The following SLC16A9 variants were observed in gnomAD, a reference collection of about 807,000 sequenced individuals.
SLC16A9 encodes solute carrier family 16 member 9.
Under a neutral mutation model 44.3 loss-of-function variants are expected in SLC16A9, and 26 were observed. That is an observed-to-expected ratio of 0.59 (90% CI 0.43 to 0.81). The LOEUF (loss-of-function observed/expected upper bound fraction) is 0.81. Among genes scored for constraint, SLC16A9 ranks in the 40% least tolerant of loss-of-function variants. The pLI, the probability that SLC16A9 is intolerant of heterozygous loss-of-function variation, is 0.00. For missense variants in SLC16A9, 559 were observed against 595.8 expected (o/e 0.94, Z 0.64); for synonymous variants, 230 against 225.1 (o/e 1.02, Z -0.19).
At chr10:59,692,810 C>G (rs1015149284) in intron 1 of SLC16A9, among the ~76,000 whole-genome samples, 5 of 152,054 alleles carry the variant, frequency 3.3e-5, no homozygotes, top group Admixed American at 6.6e-5. Context: ...AATAATTAAC[C>G]AATACCTAAA....
chr10:59,668,437 G>A (rs1010372028), intron 3 of SLC16A9, among the ~76,000 whole-genome samples: 2 of 152,124 alleles, frequency 1.3e-5, no homozygotes, highest in Non-Finnish European at 2.9e-5. Flanking sequence ...CTTAGCGCAA[G>A]CATAAATTAA....
intron 3 of SLC16A9, among the ~76,000 whole-genome samples, chr10:59,666,979 T>C (rs1459463037): frequency 6.6e-6 from 1 of 152,142 alleles, no homozygotes. Flanking sequence ...TTTGGTAATA[T>C]TAACCAAAGT....
At chr10:59,670,574 T>C (rs974861123) in intron 3 of SLC16A9, among the ~76,000 whole-genome samples, 3 of 152,236 alleles carry the variant, frequency 2.0e-5, no homozygotes, top group African/African-American at 7.2e-5. Flanking sequence ...TCACACTGTC[T>C]AGCTAAAGAG....
intron 1 of SLC16A9, chr10:59,708,861 C>G (rs962726350): frequency 1.3e-5 from 2 of 152,470 alleles, no homozygotes; most frequent in Non-Finnish European, 2.9e-5. Flanking sequence ...GGCGCGGTGC[C>G]GGTGCCTCCT....
chr10:59,653,589 GCTA>G (rs1839267058), intron 5 of SLC16A9, 83 bp downstream of exon 5: 3 of 1,112,198 alleles, frequency 2.7e-6, no homozygotes, highest in South Asian at 3.0e-5. Flanking sequence ...ACAAATCTGT[GCTA>G]CTATTACAAT....
intron 4 of SLC16A9, among the ~76,000 whole-genome samples, chr10:59,659,120 C>A (rs532368715): frequency 6.6e-6 from 1 of 152,264 alleles, no homozygotes; most frequent in Admixed American, 6.5e-5. Flanking sequence ...TGAAAAACCA[C>A]TTTTATATGT....
chr10:59,677,878 T>C (rs1839893675), intron 2 of SLC16A9, among the ~76,000 whole-genome samples: 1 of 152,032 alleles, frequency 6.6e-6, no homozygotes, highest in South Asian at 2.1e-4. Flanking sequence ...ACTTTTATTA[T>C]TATTTTTTTA....
chr10:59,697,290 AG>A (rs1478177755), intron 1 of SLC16A9, among the ~76,000 whole-genome samples: 4 of 151,292 alleles, frequency 2.6e-5, no homozygotes, highest in Non-Finnish European at 5.9e-5. Flanking sequence ...TGGAATAGAA[AG>A]GGGGGAAAGG....
intron 4 of SLC16A9, among the ~76,000 whole-genome samples, chr10:59,658,813 A>C (rs1368712633): frequency 6.6e-6 from 1 of 152,152 alleles, no homozygotes; most frequent in Non-Finnish European, 1.5e-5. Context: ...TGCTTTTTAA[A>C]ATATGTTGGG....
Position 59,654,408 on chromosome 10 carries a change from A to G in SLC16A9, c.618T>C (p.Asp206=). 6.2e-7 allele frequency: 1 copy of G among 1,613,680 alleles called. No homozygotes were observed. The highest frequency in any genetic ancestry group is 8.5e-7 in the Non-Finnish European group (1 of 1,180,028). ...CPLPKKIAPE[D]LPDKYSIYNE... ...TGTAAATGGAGTATTTATCTGGTAG[A>G]TCTTCTGGAGCTATTTTTTTAGGCA... The change falls in exon 5 of 6, where the codon GAT becomes GAC. Residue 206 remains aspartate (D), a synonymous_variant. Coordinates refer to ENST00000395348, the MANE Select transcript of SLC16A9 (RefSeq NM_194298.3).
chr10:59,707,158 C>T (rs185602409), intron 1 of SLC16A9, among the ~76,000 whole-genome samples: 10 of 148,780 alleles, frequency 6.7e-5, no homozygotes, highest in Non-Finnish European at 8.9e-5. Context: ...GGCTGAGGTG[C>T]GAGGATCACC....
At chr10:59,656,146 A>G (rs760191338) in intron 4 of SLC16A9, among the ~76,000 whole-genome samples, 90 of 152,258 alleles carry the variant, frequency 5.9e-4, no homozygotes, top group Non-Finnish European at 1.1e-3. Flanking sequence ...CTGAGAAGTA[A>G]TAACAGTAGA....
Position 59,652,545 on chromosome 10 carries a change from C to A in SLC16A9, c.*227G>T. 5.0e-6 allele frequency: 2 copies of A among 399,536 alleles called. No individual in the cohort carries two copies. The highest frequency in any genetic ancestry group is 4.8e-5 in the South Asian group (1 of 20,676). The allele number at this position is 399,536 out of a possible 1,614,324, so 24.7% of individuals were successfully genotyped here. ...GAATAACAGCAAAACAGAATAGTCC[C>A]ATTGATGGTGTGGGGAGGAGAAATA... On this transcript the variant is annotated 3_prime_UTR_variant, in exon 6 of 6. Transcript: ENST00000395348.
chr10:59,657,854 TC>T (rs1396137614), intron 4 of SLC16A9, among the ~76,000 whole-genome samples: 1 of 152,112 alleles, frequency 6.6e-6, no homozygotes, highest in Non-Finnish European at 1.5e-5. Context: ...TGATGGACCC[TC>T]CCCTTGGCCA....
chr10:59,678,770 C>G (rs1839921290), intron 2 of SLC16A9, among the ~76,000 whole-genome samples: 1 of 149,656 alleles, frequency 6.7e-6, no homozygotes, highest in Non-Finnish European at 1.5e-5. Flanking sequence ...GTCTCGATCT[C>G]CTGACCTCAT....
Position 59,687,822 on chromosome 10 carries a change from T to C in SLC16A9, c.-36-3495A>G, listed in dbSNP as rs188032366. ...CAAAAAAATACAAAAATTAGACTGG[T>C]GTGGTGGTGCAGCTGTAGTCTCAGC... On this transcript the variant is annotated intron_variant, in intron 1 of 5. Coordinates refer to ENST00000395348, the MANE Select transcript of SLC16A9 (RefSeq NM_194298.3). Among the ~76,000 whole-genome samples the C allele has an allele frequency of 6.5e-3, 988 of 151,628 alleles. 11 individuals carry two copies. The highest frequency in any genetic ancestry group is 8.1e-3 in the East Asian group (42 of 5,166).
At chr10:59,678,053 C>T (rs1218418221) in intron 2 of SLC16A9, among the ~76,000 whole-genome samples, 1 of 118,098 alleles carries the variant, frequency 8.5e-6, no homozygotes, top group African/African-American at 3.2e-5. Context: ...CACCCCACAA[C>T]AGTCCCCAGA....
intron 4 of SLC16A9, among the ~76,000 whole-genome samples, chr10:59,662,080 G>T (rs1257681926): frequency 6.6e-6 from 1 of 152,116 alleles, no homozygotes; most frequent in African/African-American, 2.4e-5. Context: ...CACGGGCAAA[G>T]ACTTCATGAC....
At chr10:59,681,523 ATGTG>A (rs1839995477) in intron 2 of SLC16A9, among the ~76,000 whole-genome samples, 1 of 109,520 alleles carries the variant, frequency 9.1e-6, no homozygotes, top group Non-Finnish European at 1.9e-5. Context: ...GTATATGTAT[ATGTG>A]TATGTGTATG....
Sources: allele counts gnomAD v4.1 joint callset (sites outside exome capture counted in the v4.1 genomes callset), GRCh38; gene constraint gnomAD v4.1.1; transcripts MANE v1.5; gene names NCBI Gene and HGNC (gene_info 2026-07-23, HGNC 2026-07-21).